The following RAB31 variants were observed in gnomAD, a reference collection of about 807,000 sequenced individuals.
RAB31 encodes the protein ras-related protein Rab-31.
Under a neutral mutation model 25.6 loss-of-function variants are expected in RAB31, and 21 were observed. That is an observed-to-expected ratio of 0.82 (90% CI 0.58 to 1.18). RAB31 has a LOEUF of 1.18. Among genes scored for constraint, RAB31 ranks in the 50% most tolerant of loss-of-function variants. The pLI is 0.00. For synonymous variants in RAB31, 87 were observed against 84.0 expected, an observed-to-expected ratio of 1.04 and a Z score of -0.20; for missense variants, 196 against 250.1, an observed-to-expected ratio of 0.78 and a Z score of 1.46.
chr18:9,791,900 G>A (rs1295591838), intron 2 of RAB31, among the ~76,000 whole-genome samples: 1 of 152,252 alleles, frequency 6.6e-6, no homozygotes, highest in South Asian at 2.1e-4. Flanking sequence ...ACCGCGCCTG[G>A]CCAGAAACAG....
At chr18:9,755,119 G>A (rs372289757) in intron 1 of RAB31, among the ~76,000 whole-genome samples, 5 of 152,200 alleles carry the variant, frequency 3.3e-5, no homozygotes, top group Non-Finnish European at 5.9e-5. Context: ...ATTAAATGAG[G>A]TGATGCAAAT....
At chr18:9,832,079 C>T (rs559869541) in intron 5 of RAB31, among the ~76,000 whole-genome samples, 10 of 152,322 alleles carry the variant, frequency 6.6e-5, no homozygotes, top group African/African-American at 2.2e-4. Flanking sequence ...ATACGCCGAG[C>T]GATCTGGGCG....
chr18:9,759,173 TA>T (rs1387019787), intron 1 of RAB31, among the ~76,000 whole-genome samples: 1 of 152,088 alleles, frequency 6.6e-6, no homozygotes, highest in East Asian at 1.9e-4. Flanking sequence ...GACATTTATC[TA>T]TACAGCGGGT....
chr18:9,709,283 G>A (rs8090845), intron 1 of RAB31, among the ~76,000 whole-genome samples: 8,233 of 152,228 alleles, frequency 0.054, 792 homozygotes, highest in African/African-American at 0.18. Flanking sequence ...TCAGATAAAC[G>A]TAGGGTCGCT....
In RAB31 at chr18:9,765,776, C is replaced by G. The variant is rs148941777; in HGVS notation, c.40-9502C>G. On this transcript the variant is annotated intron_variant, in intron 1 of 6. Transcript: ENST00000578921. ...AAGTGAGGAAGGAACTGGAGCTCTC[C>G]CGGGAGTTCACTGGTAGTTTGAGGA... 6.3e-3 allele frequency among the ~76,000 whole-genome samples: 957 copies of G among 152,222 alleles called. 11 individuals carry two copies. Among genetic ancestry groups the G allele is most frequent in the African/African-American group, 0.022 (894 of 41,524 alleles).
At chr18:9,762,575 ATTT>A in intron 1 of RAB31, among the ~76,000 whole-genome samples, 1 of 151,390 alleles carries the variant, frequency 6.6e-6, no homozygotes, top group Non-Finnish European at 1.5e-5. Flanking sequence ...GGTAATTATT[ATTT>A]TTTTTTACAG....
chr18:9,721,615 A>G (rs79799718), intron 1 of RAB31, among the ~76,000 whole-genome samples: 80 of 10,404 alleles, frequency 7.7e-3, no homozygotes, highest in Non-Finnish European at 1.9e-3. Flanking sequence ...GACTCCATCT[A>G]AAAAAAAAAA....
chr18:9,755,708 C>T (rs1209100253), intron 1 of RAB31, among the ~76,000 whole-genome samples: 2 of 152,222 alleles, frequency 1.3e-5, no homozygotes, highest in Admixed American at 1.3e-4. Context: ...GGTTTGTCCA[C>T]ATGTGAGGCT....
rs115314942 is a variant in RAB31, at chr18:9,710,574, C to T, written c.39+2130C>T. Among the ~76,000 whole-genome samples, 825 of 152,244 alleles carry T rather than the reference C, an allele frequency of 5.4e-3. 11 individuals are homozygous for T. Among genetic ancestry groups the T allele is most frequent in the African/African-American group, 0.018 (760 of 41,530 alleles). ...GAGGCTTTGAAACATCAATCGTGGC[C>T]GGTCGCGTTGGCTCACACCTGTCAT... On this transcript the variant is annotated intron_variant, in intron 1 of 6. Coordinates refer to ENST00000578921, the MANE Select transcript of RAB31 (RefSeq NM_006868.4).
At chr18:9,809,458 T>G (rs2068559668) in intron 3 of RAB31, among the ~76,000 whole-genome samples, 1 of 152,196 alleles carries the variant, frequency 6.6e-6, no homozygotes, top group South Asian at 2.1e-4. Context: ...TTTCAGAGCC[T>G]TTAATGCACT....
intron 1 of RAB31, chr18:9,757,961 A>C (rs556400582): frequency 6.6e-6 from 1 of 152,310 alleles, no homozygotes; most frequent in South Asian, 2.1e-4. Flanking sequence ...TCTTGTCCTT[A>C]GGTCAAAACA....
intron 6 of RAB31, among the ~76,000 whole-genome samples, chr18:9,853,923 A>T (rs73387480): frequency 0.044 from 6,556 of 149,350 alleles, 271 homozygotes; most frequent in African/African-American, 0.097. Context: ...AAGCCTAATG[A>T]TTTTTTTTAA....
intron 4 of RAB31, 86 bp downstream of exon 4, chr18:9,814,177 A>G (rs2068589559): frequency 9.2e-6 from 9 of 983,248 alleles, no homozygotes; most frequent in Non-Finnish European, 1.4e-5. Context: ...CACTGCTTGC[A>G]TCTTGCCAGT....
chr18:9,748,223 G>A (rs767221479), intron 1 of RAB31, among the ~76,000 whole-genome samples: 7 of 152,184 alleles, frequency 4.6e-5, no homozygotes, highest in Non-Finnish European at 8.8e-5. Context: ...TTGTCTGGGT[G>A]CAGTGGCTCA....
chr18:9,715,416 T>C lies in RAB31; in HGVS notation c.39+6972T>C, dbSNP rs1450597693. Among the ~76,000 whole-genome samples the C allele has an allele frequency of 4.7e-3, 478 of 101,958 alleles. 7 individuals are homozygous for C. The highest frequency in any genetic ancestry group is 0.017 in the African/African-American group (443 of 25,652). The allele number at this position is 101,958 out of a possible 152,430, so 66.9% of individuals were successfully genotyped here. On this transcript the variant is annotated intron_variant, in intron 1 of 6. Transcript: ENST00000578921. Reference sequence around the variant, plus strand: ...TTATTTTTAATTCCCTTTGCCCCCTTTTTTTTTTTTTGAAAAATTTAAAAC... The same window carrying C: ...TTATTTTTAATTCCCTTTGCCCCCTCTTTTTTTTTTTGAAAAATTTAAAAC...
At chr18:9,797,408 G>C (rs2068492166) in intron 3 of RAB31, 1 of 152,172 alleles carries the variant, frequency 6.6e-6, no homozygotes, top group Non-Finnish European at 1.5e-5. Context: ...ATGACTTGCT[G>C]TGTTCCATGT....
chr18:9,788,317 A>G (rs750806228), intron 2 of RAB31, among the ~76,000 whole-genome samples: 7 of 152,220 alleles, frequency 4.6e-5, no homozygotes, highest in African/African-American at 1.4e-4. Flanking sequence ...ATCATCAGGG[A>G]AATGCAAATT....
intron 2 of RAB31, among the ~76,000 whole-genome samples, chr18:9,788,706 C>T (rs548908029): frequency 6.6e-6 from 1 of 152,362 alleles, no homozygotes; most frequent in South Asian, 2.1e-4. Flanking sequence ...TGGCTCACAC[C>T]TGTAATCCCA....
chr18:9,821,592 G>C (rs1179499041), intron 5 of RAB31, among the ~76,000 whole-genome samples: 2 of 152,028 alleles, frequency 1.3e-5, no homozygotes, highest in Non-Finnish European at 2.9e-5. Context: ...AAAATACTAA[G>C]TGGGTTCAGC....
Sources: allele counts gnomAD v4.1 joint callset (sites outside exome capture counted in the v4.1 genomes callset), GRCh38; gene constraint gnomAD v4.1.1; transcripts MANE v1.5; gene names NCBI Gene and HGNC (gene_info 2026-07-23, HGNC 2026-07-21).